Variants in MBD5 observed in about 807,000 individuals in gnomAD.
The protein encoded by MBD5 is methyl-CpG binding domain protein 5, also known as methyl-CpG-binding domain protein 5.
A neutral mutation model predicts 117.3 loss-of-function variants in MBD5; 13 were observed. The observed-to-expected ratio is 0.11, with a 90% CI of 0.07 to 0.18. MBD5 has a LOEUF of 0.18. MBD5 is among the 10% of genes least tolerant of loss of function. MBD5 has a pLI of 1.00. For synonymous variants in MBD5, 727 were observed against 766.4 expected, an observed-to-expected ratio of 0.95 and a Z score of 0.85; for missense variants, 1,879 against 2,093.8, an observed-to-expected ratio of 0.90 and a Z score of 2.00.
intron 4 of MBD5, among the ~76,000 whole-genome samples, chr2:148,376,055 G>A (rs1703976833): frequency 6.6e-6 from 1 of 150,574 alleles, no homozygotes; most frequent in Non-Finnish European, 1.5e-5. Context: ...CCTACTAGAT[G>A]CCAATAGCAT....
chr2:148,345,400 TATACAC>T (rs1703073804), intron 4 of MBD5, among the ~76,000 whole-genome samples: 2 of 146,570 alleles, frequency 1.4e-5, no homozygotes, highest in South Asian at 4.3e-4. Context: ...CATATACATA[TATACAC>T]ATATACATAT....
intron 1 of MBD5, among the ~76,000 whole-genome samples, chr2:148,164,152 G>A (rs1007180974): frequency 1.6e-4 from 24 of 152,158 alleles, no homozygotes; most frequent in African/African-American, 5.8e-4. Flanking sequence ...GAGGAAGTTG[G>A]AACTTTAGAA....
At chr2:148,453,156 A>C (rs929924767) in intron 4 of MBD5, among the ~76,000 whole-genome samples, 1 of 127,850 alleles carries the variant, frequency 7.8e-6, no homozygotes, top group Non-Finnish European at 1.7e-5. Flanking sequence ...AGTAATAATC[A>C]TCATCAGATA....
At chr2:148,238,752 T>C (rs563255241) in intron 3 of MBD5, among the ~76,000 whole-genome samples, 1 of 152,258 alleles carries the variant, frequency 6.6e-6, no homozygotes, top group South Asian at 2.1e-4. Flanking sequence ...TTTTTGGCAT[T>C]CCATGGCTTG....
intron 12 of MBD5, among the ~76,000 whole-genome samples, chr2:148,503,698 C>T (rs761928359): frequency 3.3e-5 from 5 of 152,128 alleles, no homozygotes; most frequent in African/African-American, 9.7e-5. Context: ...AGTTAATTGC[C>T]GGATAACATC....
intron 4 of MBD5, among the ~76,000 whole-genome samples, chr2:148,447,207 G>GAAAGAAAGAAAC (rs1265907430): frequency 1.8e-4 from 3 of 17,036 alleles, no homozygotes; most frequent in African/African-American, 2.5e-4. Flanking sequence ...AAGAAAGAAA[G>GAAAGAAAGAAAC]AAAGAAAGAA....
At chr2:148,290,678 A>G (rs1164446659) in intron 3 of MBD5, among the ~76,000 whole-genome samples, 1 of 152,144 alleles carries the variant, frequency 6.6e-6, no homozygotes, top group Non-Finnish European at 1.5e-5. Flanking sequence ...TCAATATTGT[A>G]GCGTGTATCA....
At chr2:148,463,965 A>G in intron 7 of MBD5, 46 bp downstream of exon 7, 1 of 1,584,414 alleles carries the variant, frequency 6.3e-7, no homozygotes, top group South Asian at 1.1e-5. Context: ...CTCCCTAGAG[A>G]AGGAGTTGCT....
chr2:148,213,547 T>C (rs76247487), intron 2 of MBD5, among the ~76,000 whole-genome samples: 7,063 of 152,286 alleles, frequency 0.046, 233 homozygotes, highest in Non-Finnish European at 0.074. Context: ...TATTGAAAAG[T>C]AAATTTAAGT....
chr2:148,024,254 T>G (rs1440374112), intron 1 of MBD5, among the ~76,000 whole-genome samples: 3 of 152,256 alleles, frequency 2.0e-5, no homozygotes, highest in African/African-American at 7.2e-5. Flanking sequence ...TTGCACTTAT[T>G]GTAGGTTATT....
chr2:148,076,847 C>T (rs1695521509), intron 1 of MBD5, among the ~76,000 whole-genome samples: 1 of 152,206 alleles, frequency 6.6e-6, no homozygotes, highest in Non-Finnish European at 1.5e-5. Context: ...TCCCTCTTCT[C>T]TAAGTTCTCA....
At chr2:148,199,224 G>A (rs1699073082) in intron 2 of MBD5, among the ~76,000 whole-genome samples, 1 of 152,110 alleles carries the variant, frequency 6.6e-6, no homozygotes, top group African/African-American at 2.4e-5. Flanking sequence ...CATTCAGATT[G>A]TGGAAGATAA....
chr2:148,334,806 G>A (rs1702745708), intron 3 of MBD5, among the ~76,000 whole-genome samples: 1 of 152,028 alleles, frequency 6.6e-6, no homozygotes, highest in Non-Finnish European at 1.5e-5. Context: ...TGGATTTGAG[G>A]CAAATATCTT....
intron 11 of MBD5, among the ~76,000 whole-genome samples, chr2:148,498,307 G>A (rs1470550527): frequency 2.0e-5 from 3 of 152,164 alleles, no homozygotes; most frequent in Admixed American, 6.5e-5. Flanking sequence ...CATCATCTCC[G>A]GTTAACCAGC....
At chr2:148,083,251 C>A (rs1010564216) in intron 1 of MBD5, among the ~76,000 whole-genome samples, 3 of 152,118 alleles carry the variant, frequency 2.0e-5, no homozygotes, top group Admixed American at 2.0e-4. Flanking sequence ...ATTCACAAAG[C>A]AACTTTATAG....
At chr2:148,349,706 A>C (rs1559034998) in intron 4 of MBD5, among the ~76,000 whole-genome samples, 1 of 152,020 alleles carries the variant, frequency 6.6e-6, no homozygotes, top group East Asian at 1.9e-4. Flanking sequence ...AGATCTGGCT[A>C]AAAGAATATT....
chr2:148,355,270 T>C (rs936758363), intron 4 of MBD5, among the ~76,000 whole-genome samples: 1 of 151,960 alleles, frequency 6.6e-6, no homozygotes, highest in Non-Finnish European at 1.5e-5. Flanking sequence ...AGAAGCTCTT[T>C]AGTTTAATTA....
intron 3 of MBD5, among the ~76,000 whole-genome samples, chr2:148,341,681 A>T (rs1292200618): frequency 2.6e-5 from 4 of 151,946 alleles, no homozygotes; most frequent in Non-Finnish European, 5.9e-5. Context: ...CTATAATAGA[A>T]AGAGTAGGTT....
chr2:148,413,838 T>C (rs192417581), intron 4 of MBD5, among the ~76,000 whole-genome samples: 121 of 151,940 alleles, frequency 8.0e-4, no homozygotes, highest in African/African-American at 2.8e-3. Context: ...TTTCTGATTG[T>C]GTTTATTTGA....
Sources: allele counts gnomAD v4.1 joint callset (sites outside exome capture counted in the v4.1 genomes callset), GRCh38; gene constraint gnomAD v4.1.1; transcripts MANE v1.5; gene names NCBI Gene and HGNC (gene_info 2026-07-23, HGNC 2026-07-21).